CCDC33: variants seen among roughly 807,000 people sequenced by gnomAD.
The protein encoded by CCDC33 is coiled-coil domain containing 33.
In CCDC33, 94 loss-of-function variants were observed where a neutral mutation model predicts 91.9. The observed-to-expected ratio is 1.02, with a 90% CI of 0.87 to 1.21. CCDC33 has a LOEUF of 1.21. CCDC33 is among the 50% of genes most tolerant of loss of function. The pLI, the probability that CCDC33 is intolerant of heterozygous loss-of-function variation, is 0.00. For missense variants in CCDC33, 940 were observed against 935.5 expected (o/e 1.00, Z -0.06); for synonymous variants, 396 against 374.5 (o/e 1.06, Z -0.66).
chr15:74,309,929 C>T (rs911047725), intron 11 of CCDC33, among the ~76,000 whole-genome samples: 7 of 152,090 alleles, frequency 4.6e-5, no homozygotes, highest in Non-Finnish European at 8.8e-5. Flanking sequence ...AGGAGGATCA[C>T]TTGAGACCAG....
At chr15:74,239,800 A>G (rs2075288519) in intron 1 of CCDC33, among the ~76,000 whole-genome samples, 1 of 149,716 alleles carries the variant, frequency 6.7e-6, no homozygotes, top group Non-Finnish European at 1.5e-5. Flanking sequence ...CCACACCCCT[A>G]CAGATGAGTT....
chr15:74,210,723 C>T (rs1473189883), intron 2 of CCDC33, among the ~76,000 whole-genome samples: 2 of 152,166 alleles, frequency 1.3e-5, no homozygotes, highest in East Asian at 3.8e-4. Context: ...CGTCCCCAGC[C>T]CAATATTGCA....
At chr15:74,289,752 A>G (rs997089030) in intron 10 of CCDC33, among the ~76,000 whole-genome samples, 6 of 151,300 alleles carry the variant, frequency 4.0e-5, no homozygotes, top group African/African-American at 1.5e-4. Context: ...GTGCCACTAC[A>G]CCCCAGCCTG....
intron 2 of CCDC33, among the ~76,000 whole-genome samples, chr15:74,225,016 A>G (rs2142169989): frequency 6.6e-6 from 1 of 152,034 alleles, no homozygotes; most frequent in African/African-American, 2.4e-5. Flanking sequence ...CCATTAGCAG[A>G]TTGTTGTAAC....
chr15:74,303,069 C>T (rs145868047), intron 11 of CCDC33: 1 of 152,404 alleles, frequency 6.6e-6, no homozygotes, highest in Non-Finnish European at 1.5e-5. Context: ...ACCCGGCCTC[C>T]ACTCCTCAGC....
rs2060552832 is a variant in CCDC33, at chr15:74,335,742, C to G, written c.2140-183C>G. 5.0e-6 allele frequency: 3 copies of G among 597,168 alleles called. No homozygotes were observed. The African/African-American group carries it at 5.5e-5, about 11-fold the overall frequency. The allele number at this position is 597,168 out of a possible 1,614,324, so 37.0% of individuals were successfully genotyped here. ...CAACCTTTGCACACTCACCTGAGCC[C>G]TGGGGACCCTTGGAGAAATTAGGTG... On this transcript the variant is annotated intron_variant, in intron 18 of 18. Coordinates refer to ENST00000398814, the MANE Select transcript of CCDC33 (RefSeq NM_025055.5).
chr15:74,270,681 GT>G (rs1427011029), intron 5 of CCDC33, among the ~76,000 whole-genome samples: 1 of 152,114 alleles, frequency 6.6e-6, no homozygotes, highest in African/African-American at 2.4e-5. Context: ...CAGGGTGAGG[GT>G]CAGGGTCCGG....
rs757790580 is a variant in CCDC33 at position 74,330,679 on chromosome 15, A to T, written c.1473A>T (p.Lys491Asn). The T allele has an allele frequency of 5.6e-6, 9 of 1,613,490 alleles. No homozygotes were observed. Among genetic ancestry groups the T allele is most frequent in the Non-Finnish European group, 6.8e-6 (8 of 1,179,900 alleles). Residue 491 changes from lysine (K) to asparagine (N), a missense_variant, in exon 13 of 19, where the codon AAA (lysine) becomes AAT (asparagine). Transcript: ENST00000398814. The stretch of plus-strand genomic sequence containing the variant: ...ACCTAACAGTGTCCATGAAGCAGAA[A>T]CTGCTGCTGAGTGAGCTGGATATGA... ...EAQNTVSMKQKLLLSELDMKK... is the reference protein window; with the variant it reads ...EAQNTVSMKQNLLLSELDMKK...
upstream of CCDC33, among the ~76,000 whole-genome samples, chr15:74,215,106 A>T (rs1053098902): frequency 1.3e-5 from 2 of 152,146 alleles, no homozygotes; most frequent in African/African-American, 4.8e-5. Flanking sequence ...GTCACAGGGG[A>T]GGAGGCTTTT....
intron 2 of CCDC33, among the ~76,000 whole-genome samples, chr15:74,211,393 C>CTTTTTTTT (rs34963230): frequency 1.2e-4 from 9 of 73,902 alleles, no homozygotes; most frequent in Non-Finnish European, 2.0e-4. Flanking sequence ...CTGCCCCTGG[C>CTTTTTTTT]TTTTTTTTTT....
intron 10 of CCDC33, among the ~76,000 whole-genome samples, chr15:74,286,421 C>T (rs1297446281): frequency 1.3e-5 from 2 of 152,024 alleles, no homozygotes; most frequent in Admixed American, 6.5e-5. Context: ...CAGCTTGGCT[C>T]TCTTAATGAA....
At chr15:74,320,974 A>G (rs2142817364) in intron 11 of CCDC33, among the ~76,000 whole-genome samples, 1 of 152,276 alleles carries the variant, frequency 6.6e-6, no homozygotes, top group East Asian at 1.9e-4. Flanking sequence ...CTGAGAGGCC[A>G]GGGTCCCAGT....
chr15:74,256,769 T>G (rs990812216), intron 2 of CCDC33, among the ~76,000 whole-genome samples: 1 of 152,008 alleles, frequency 6.6e-6, no homozygotes, highest in Non-Finnish European at 1.5e-5. Context: ...CAGAAGAGGG[T>G]AGAAGGTGCA....
chr15:74,215,927 A>G (rs1045183386), upstream of CCDC33, among the ~76,000 whole-genome samples: 37 of 150,970 alleles, frequency 2.5e-4, no homozygotes, highest in Admixed American at 4.6e-4. Context: ...AGTTGGAGGG[A>G]GGGAAAGAAG....
chr15:74,271,572 G>A (rs2076317467), intron 5 of CCDC33, 131 bp from the exon 6 acceptor site: 1 of 644,660 alleles, frequency 1.6e-6, no homozygotes, highest in Admixed American at 2.3e-5. Flanking sequence ...ACAGGGAGAA[G>A]CAGGTGTCAA....
At chr15:74,298,924 G>T (rs1053519403) in intron 11 of CCDC33, among the ~76,000 whole-genome samples, 2 of 152,020 alleles carry the variant, frequency 1.3e-5, no homozygotes, top group Non-Finnish European at 2.9e-5. Context: ...TGTTGGCCAG[G>T]ATAGTCCCAA....
intron 2 of CCDC33, among the ~76,000 whole-genome samples, chr15:74,245,451 A>T (rs2075493766): frequency 6.6e-6 from 1 of 152,156 alleles, no homozygotes; most frequent in Non-Finnish European, 1.5e-5. Flanking sequence ...CAGGCTTGGC[A>T]GGGAGGCTGG....
rs1210562068 is a variant in CCDC33 at position 74,316,474 on chromosome 15, C to T, written c.1291-13715C>T. On this transcript the variant is annotated intron_variant, in intron 11 of 18. Coordinates refer to ENST00000398814, the MANE Select transcript of CCDC33 (RefSeq NM_025055.5). The surrounding 1 kb of genome is among the most constrained non-coding windows in gnomAD (Gnocchi z 4.7). ...GATGGGAGCAGACTCAATCGATTGG[C>T]GCACAGCAGGCAGGGGAGGACAGGG... 3.3e-5 allele frequency among the ~76,000 whole-genome samples: 5 copies of T among 152,200 alleles called. No homozygotes were observed. Among genetic ancestry groups the T allele is most frequent in the Middle Eastern group, 3.2e-3 (1 of 316 alleles).
chr15:74,295,790 G>A lies in CCDC33; in HGVS notation c.1132G>A (p.Ala378Thr). 1.9e-6 allele frequency: 3 copies of A among 1,613,768 alleles called. No individual in the cohort carries two copies. Among genetic ancestry groups the A allele is most frequent in the East Asian group, 2.2e-5 (1 of 44,880 alleles). Residue 378 changes from alanine (A) to threonine (T), a missense_variant, in exon 11 of 19, where the codon GCT becomes ACT. Transcript: ENST00000398814. The part of the protein sequence containing the change: ...ENFLTPNNSK[A>T]LPTLDPKILD... ...CTTCTTGACACCAAACAACAGCAAG[G>A]CTCTTCCTACCTTGGACCCCAAGAT...
Sources: gnomAD v4.1 joint callset for allele counts (sites outside exome capture counted in the v4.1 genomes callset) on GRCh38, gnomAD v4.1.1 for gene constraint, Gnocchi (gnomAD v3.1) non-coding constraint, MANE v1.5 for transcripts, NCBI Gene and HGNC (gene_info 2026-07-23, HGNC 2026-07-21) for gene names.